Variants in PCBP3 observed in about 807,000 individuals in gnomAD.
PCBP3 encodes poly(rC) binding protein 3, also known as poly(rC)-binding protein 3.
Under a neutral mutation model 52.7 loss-of-function variants are expected in PCBP3, and 25 were observed. That is an observed-to-expected ratio of 0.47 (90% CI 0.35 to 0.66). The LOEUF (loss-of-function observed/expected upper bound fraction) is 0.66. Among genes scored for constraint, PCBP3 ranks in the 30% least tolerant of loss-of-function variants. PCBP3 has a pLI of 0.01. For missense variants in PCBP3, 391 were observed against 490.3 expected (o/e 0.80, Z 1.91); for synonymous variants, 162 against 183.0 (o/e 0.89, Z 0.93).
At position 45,917,315 on chromosome 21, in the gene PCBP3, T is replaced by C. The variant is rs944108912; in HGVS notation, c.676-273T>C. On this transcript the variant is annotated intron_variant, in intron 12 of 17. Coordinates refer to ENST00000681687, the MANE Select transcript of PCBP3 (RefSeq NM_001384156.1). The surrounding 1 kb of genome is among the most constrained non-coding windows in gnomAD (Gnocchi z 5.3). ...CTTCGATTCTTTTGCTTTAAGAAAC[T>C]TGGAGTCGGAAGCATCAAGGCTGAA... 6 of 382,418 alleles carry C rather than the reference T, an allele frequency of 1.6e-5. No individual in the cohort carries two copies. The South Asian group carries it at 2.5e-4, about 16-fold the overall frequency. The allele number at this position is 382,418 out of a possible 1,614,324, so 23.7% of individuals were successfully genotyped here. A position where few individuals can be genotyped will look rare whatever the true frequency, so the allele number is the denominator to read the frequency against.
At chr21:45,723,030 A>G (rs964501422) in intron 2 of PCBP3, among the ~76,000 whole-genome samples, 4 of 152,048 alleles carry the variant, frequency 2.6e-5, no homozygotes, top group African/African-American at 7.2e-5. Context: ...AAAAATGTAT[A>G]TAGGTAAATG....
At chr21:45,769,086 T>G (rs2089631277) in intron 4 of PCBP3, among the ~76,000 whole-genome samples, 1 of 152,258 alleles carries the variant, frequency 6.6e-6, no homozygotes, top group Non-Finnish European at 1.5e-5. Flanking sequence ...GCATTGCCTG[T>G]GCTGACTTAG....
chr21:45,875,746 AC>A (rs1603461725), intron 5 of PCBP3, among the ~76,000 whole-genome samples: 1 of 152,188 alleles, frequency 6.6e-6, no homozygotes, highest in African/African-American at 2.4e-5. Flanking sequence ...ATGCCCACTG[AC>A]CCTGAGGCTA....
In PCBP3 at chr21:45,802,540, T is replaced by C. The variant is rs1482936939; in HGVS notation, c.-126+47088T>C. On this transcript the variant is annotated intron_variant, in intron 4 of 17. Transcript: ENST00000681687. This position sits in a 1 kb window ranked among gnomAD's most constrained non-coding sequence, Gnocchi z 5.1. ...CGGCTCTGAGAGCAAAAGTGAGCCATGCTGGAGAAGGGACAGGAGCCCCTG... is the reference window on the plus strand; with the variant it reads ...CGGCTCTGAGAGCAAAAGTGAGCCACGCTGGAGAAGGGACAGGAGCCCCTG... Among the ~76,000 whole-genome samples the C allele has an allele frequency of 6.6e-6, 1 of 152,060 alleles. No homozygotes were observed. The highest frequency in any genetic ancestry group is 1.9e-4 in the East Asian group (1 of 5,186).
In PCBP3 at chr21:45,837,283, T is replaced by C. The variant is rs766795088; in HGVS notation, c.-125-12678T>C. Among the ~76,000 whole-genome samples, 4 of 152,238 alleles carry C rather than the reference T, an allele frequency of 2.6e-5. No homozygotes were observed. The highest frequency in any genetic ancestry group is 2.1e-4 in the South Asian group (1 of 4,828). On this transcript the variant is annotated intron_variant, in intron 4 of 17. Coordinates refer to ENST00000681687, the MANE Select transcript of PCBP3 (RefSeq NM_001384156.1). This position sits in a 1 kb window ranked among gnomAD's most constrained non-coding sequence, Gnocchi z 4.1. ...ACATGCTCTTGTGCTGTGACTTTGA[T>C]GCACCTCCCGCCAGGGAGGGGATCG...
chr21:45,665,079 G>T (rs984709736), intron 1 of PCBP3, among the ~76,000 whole-genome samples: 1 of 151,612 alleles, frequency 6.6e-6, no homozygotes, highest in Non-Finnish European at 1.5e-5. Context: ...TTCTTTATTT[G>T]GTTTTCAGCT....
intron 4 of PCBP3, among the ~76,000 whole-genome samples, chr21:45,798,098 G>A (rs375713907): frequency 0.013 from 1,938 of 149,766 alleles, no homozygotes; most frequent in African/African-American, 0.046. Flanking sequence ...TCCTTAGAGA[G>A]AGTGAATACG....
chr21:45,868,614 C>A (rs1368226815), intron 5 of PCBP3, among the ~76,000 whole-genome samples: 1 of 152,152 alleles, frequency 6.6e-6, no homozygotes, highest in Non-Finnish European at 1.5e-5. Flanking sequence ...CTGCTTCAGC[C>A]TGGGCGGGTC....
Position 45,677,788 on chromosome 21 carries a change from G to A in PCBP3, c.-200+8836G>A, listed in dbSNP as rs117942241. On this transcript the variant is annotated intron_variant, in intron 2 of 17. Transcript: ENST00000681687. ...AATCTACTCGGCCTGTGCTCTATAC[G>A]GGAACAACAAAGCCTAGATAACAGC... 3.8e-3 allele frequency among the ~76,000 whole-genome samples: 577 copies of A among 152,244 alleles called. 2 individuals are homozygous for A. Among genetic ancestry groups the A allele is most frequent in the Non-Finnish European group, 6.3e-3 (430 of 68,018 alleles).
intron 13 of PCBP3, among the ~76,000 whole-genome samples, chr21:45,926,238 C>T (rs558403794): frequency 1.3e-5 from 2 of 152,324 alleles, no homozygotes; most frequent in Admixed American, 6.5e-5. Flanking sequence ...CAGTGCAGCA[C>T]GTTACCCCCA....
chr21:45,868,538 A>G (rs1169386657), intron 5 of PCBP3, among the ~76,000 whole-genome samples: 1 of 150,146 alleles, frequency 6.7e-6, no homozygotes, highest in Non-Finnish European at 1.5e-5. Flanking sequence ...ACTGAGCCTT[A>G]AGGCGTCTGG....
chr21:45,872,236 T>C (rs898259421), intron 5 of PCBP3: 1 of 152,274 alleles, frequency 6.6e-6, no homozygotes, highest in Non-Finnish European at 1.5e-5. Context: ...TATTTTTCCT[T>C]AAACATCTTA....
At position 45,917,739 on chromosome 21, in the gene PCBP3, C is replaced by A. The variant is rs1012255684; in HGVS notation, c.717+110C>A. 5.5e-6 allele frequency: 5 copies of A among 914,064 alleles called. No homozygotes were observed. The highest frequency in any genetic ancestry group is 9.1e-6 in the Non-Finnish European group (5 of 548,322). 56.6% of individuals were successfully genotyped at this position (914,064 alleles called of 1,614,324 possible). On this transcript the variant is annotated intron_variant, in intron 13 of 17. Transcript: ENST00000681687. This position sits in a 1 kb window ranked among gnomAD's most constrained non-coding sequence, Gnocchi z 5.3. ...ATTAATATTACACAATAATATTAATCAACTTCTCAGCGTTCCTGACCTGTG... is the reference window on the plus strand; with the variant it reads ...ATTAATATTACACAATAATATTAATAAACTTCTCAGCGTTCCTGACCTGTG...
chr21:45,930,749 G>A lies in PCBP3; in HGVS notation c.797-37G>A, dbSNP rs767081156. 5 of 970,004 alleles carry A rather than the reference G, an allele frequency of 5.2e-6. No homozygotes were observed. The South Asian group carries it at 6.4e-5, about 12-fold the overall frequency. 60.1% of individuals were successfully genotyped at this position (970,004 alleles called of 1,614,324 possible). A position where few individuals can be genotyped will look rare whatever the true frequency, so the allele number is the denominator to read the frequency against. Reference sequence around the variant, plus strand: ...AAGGGACCCTGCTTATCTCCTTGAGGGCAAAACATTAAACCTGTCTCTTCT... The same window carrying A: ...AAGGGACCCTGCTTATCTCCTTGAGAGCAAAACATTAAACCTGTCTCTTCT... On this transcript the variant is annotated intron_variant, in intron 14 of 17. Transcript: ENST00000681687.
Position 45,656,813 on chromosome 21 carries a change from C to G in PCBP3, c.-278-12061C>G, listed in dbSNP as rs912188523. 1.3e-5 allele frequency among the ~76,000 whole-genome samples: 2 copies of G among 151,872 alleles called. No individual in the cohort carries two copies. Among genetic ancestry groups the G allele is most frequent in the Non-Finnish European group, 2.9e-5 (2 of 67,938 alleles). ...TATTTTCCCTCCAACTGTGAGTAGT[C>G]TTTTCATTTTCTTTTCTTTCTTTCT... On this transcript the variant is annotated intron_variant, in intron 1 of 17. Coordinates refer to ENST00000681687, the MANE Select transcript of PCBP3 (RefSeq NM_001384156.1). The surrounding 1 kb of genome is among the most constrained non-coding windows in gnomAD (Gnocchi z 4.3).
At chr21:45,937,401 C>G (rs1209198540) in intron 16 of PCBP3, among the ~76,000 whole-genome samples, 1 of 152,176 alleles carries the variant, frequency 6.6e-6, no homozygotes, top group Non-Finnish European at 1.5e-5. Context: ...CCTACTCTGC[C>G]CTAAGCAACA....
chr21:45,835,819 C>T (rs751880822), intron 4 of PCBP3, among the ~76,000 whole-genome samples: 5 of 152,118 alleles, frequency 3.3e-5, no homozygotes, highest in Non-Finnish European at 7.4e-5. Context: ...TTGAGCTTGA[C>T]CCGCAGGAGG....
chr21:45,692,539 C>T (rs1271060628), intron 2 of PCBP3, among the ~76,000 whole-genome samples: 5 of 152,222 alleles, frequency 3.3e-5, no homozygotes, highest in African/African-American at 7.2e-5. Context: ...AATAATTGGT[C>T]GAATTCCTTG....
At chr21:45,771,268 T>C (rs933987165) in intron 4 of PCBP3, among the ~76,000 whole-genome samples, 1 of 152,228 alleles carries the variant, frequency 6.6e-6, no homozygotes, top group Non-Finnish European at 1.5e-5. Context: ...AGTGGGCTAA[T>C]TAATATTCCA....
Sources: allele counts gnomAD v4.1 joint callset (sites outside exome capture counted in the v4.1 genomes callset), GRCh38; gene constraint gnomAD v4.1.1; non-coding constraint Gnocchi (gnomAD v3.1); transcripts MANE v1.5; gene names NCBI Gene and HGNC (gene_info 2026-07-23, HGNC 2026-07-21).